Variants in SAFB observed in about 807,000 individuals in gnomAD.
SAFB encodes the protein scaffold attachment factor B1.
SAFB carries 15 observed loss-of-function variants against 101.6 expected under a neutral mutation model. The ratio of observed to expected loss-of-function variants is 0.15; its 90% CI spans 0.10 to 0.23. The LOEUF (loss-of-function observed/expected upper bound fraction) is 0.23. Ranked by LOEUF, SAFB falls within the 10% of genes least tolerant of loss-of-function variation. The pLI is 1.00. For missense variants in SAFB, 930 were observed against 1,104.1 expected (o/e 0.84, Z 2.23); for synonymous variants, 449 against 407.5 (o/e 1.10, Z -1.23).
At chr19:5,661,882 G>T in intron 15 of SAFB, 74 bp downstream of exon 15, 4 of 1,023,216 alleles carry the variant, frequency 3.9e-6, no homozygotes, top group Non-Finnish European at 4.1e-6. Flanking sequence ...CAGTTAGCTT[G>T]AGATTTTTTT....
intron 14 of SAFB, 34 bp from the exon 15 acceptor site, chr19:5,661,484 C>G: frequency 6.2e-7 from 1 of 1,607,094 alleles, no homozygotes. Context: ...CTGGGGGTGT[C>G]TAGGTCCCCT....
intron 13 of SAFB, among the ~76,000 whole-genome samples, chr19:5,655,805 A>G (rs544952653): frequency 3.9e-5 from 6 of 152,336 alleles, no homozygotes; most frequent in Non-Finnish European, 7.3e-5. Context: ...TGTGGGTTCT[A>G]GGGATAAAAT....
intron 2 of SAFB, among the ~76,000 whole-genome samples, chr19:5,638,957 C>T (rs1187201963): frequency 1.3e-5 from 2 of 151,756 alleles, no homozygotes; most frequent in Non-Finnish European, 2.9e-5. Context: ...CTTCTCTTGA[C>T]CTCAGATGAT....
rs541442573 is a variant in SAFB, at chr19:5,651,961, C to T, written c.1293+889C>T. On this transcript the variant is annotated intron_variant, in intron 9 of 20. Coordinates refer to ENST00000588852, the MANE Select transcript of SAFB (RefSeq NM_001201338.2). Reference sequence around the variant, plus strand: ...CTGTAATTCCAGCACTTTGGGAGGCCGAGGTGGGTGGATCACGAGGTCAGG... The same window carrying T: ...CTGTAATTCCAGCACTTTGGGAGGCTGAGGTGGGTGGATCACGAGGTCAGG... Among the ~76,000 whole-genome samples the T allele has an allele frequency of 3.3e-5, 5 of 152,208 alleles. No homozygotes were observed. In the East Asian group the frequency reaches 5.8e-4, roughly 18 times the overall value.
intron 9 of SAFB, among the ~76,000 whole-genome samples, chr19:5,651,781 T>A (rs1025378409): frequency 4.6e-5 from 7 of 152,052 alleles, no homozygotes; most frequent in Admixed American, 4.6e-4. Context: ...TCTCTCAGAG[T>A]CGGTTTCGGG....
Position 5,667,710 on chromosome 19 carries a change from A to C in SAFB, c.2558-110A>C. The C allele has an allele frequency of 2.9e-6, 3 of 1,018,596 alleles. No individual in the cohort carries two copies. Among genetic ancestry groups the C allele is most frequent in the South Asian group, 1.4e-5 (1 of 72,732 alleles). 63.1% of individuals were successfully genotyped at this position (1,018,596 alleles called of 1,614,324 possible). A position where few individuals can be genotyped will look rare whatever the true frequency, so the allele number is the denominator to read the frequency against. The stretch of plus-strand genomic sequence containing the variant: ...CCCAGGTGTCTTCCTGGGACCCGCT[A>C]GTTGTGGGTACCTGGGGGCCTCACC... On this transcript the variant is annotated intron_variant, in intron 19 of 20. Transcript: ENST00000588852. The surrounding 1 kb of genome is among the most constrained non-coding windows in gnomAD (Gnocchi z 4.0).
intron 8 of SAFB, 82 bp from the exon 9 acceptor site, chr19:5,650,896 A>G (rs1312373516): frequency 2.2e-6 from 2 of 903,172 alleles, no homozygotes; most frequent in Non-Finnish European, 3.5e-6. Flanking sequence ...AATGGGAACC[A>G]TGTCTCTTTT....
chr19:5,662,007 C>T (rs535959940), intron 15 of SAFB, among the ~76,000 whole-genome samples, 199 bp downstream of exon 15: 38 of 152,162 alleles, frequency 2.5e-4, no homozygotes, highest in Admixed American at 2.0e-3. Context: ...GCCTCAGCCT[C>T]CCGAGTAGCT....
chr19:5,658,760 G>T (rs541545924), intron 14 of SAFB, among the ~76,000 whole-genome samples: 2 of 150,418 alleles, frequency 1.3e-5, no homozygotes, highest in Non-Finnish European at 3.0e-5. Flanking sequence ...GGAGAATGGC[G>T]TGAACCCGGG....
rs1375363973 is a variant in SAFB, at chr19:5,667,863, G to C, written c.2601G>C (p.Met867Ile). The C allele has an allele frequency of 2.5e-6, 4 of 1,610,680 alleles. No individual in the cohort carries two copies. The highest frequency in any genetic ancestry group is 1.7e-4 in the Middle Eastern group (1 of 6,036). The change falls in exon 20 of 21, where the codon ATG (methionine) becomes ATC (isoleucine). Residue 867 changes from methionine to isoleucine, a missense_variant. Physicochemically the swap from Met to Ile is conservative, Grantham distance 10. Transcript: ENST00000588852. This position sits in a 1 kb window ranked among gnomAD's most constrained non-coding sequence, Gnocchi z 4.0. ...CCGGTCACTCCGGGCCTGGCCACAT[G>C]ATGAACCGAGGAGGAATGTCAGGGT... ...SMSGHSGPGH[M>I]MNRGGMSGRG...
Position 5,667,912 on chromosome 19 carries a change from C to A in SAFB, c.2624+26C>A. 6.4e-7 allele frequency: 1 copy of A among 1,574,560 alleles called. No individual in the cohort carries two copies. Among genetic ancestry groups the A allele is most frequent in the South Asian group, 1.2e-5 (1 of 84,680 alleles). ...GTAAGGCATGCTGGGGGCGGCGCCC[C>A]TTCCCCCTGCTTTGCATATTGGCCT... On this transcript the variant is annotated intron_variant, in intron 20 of 20. Transcript: ENST00000588852. The surrounding 1 kb of genome is among the most constrained non-coding windows in gnomAD (Gnocchi z 4.0).
At chr19:5,654,224 G>A in intron 12 of SAFB, 24 bp downstream of exon 12, 1 of 1,613,536 alleles carries the variant, frequency 6.2e-7, no homozygotes, top group Non-Finnish European at 8.5e-7. Context: ...GAGCCCAGGA[G>A]ATTCTGTCTT....
At chr19:5,635,522 A>G (rs1025747369) in intron 2 of SAFB, among the ~76,000 whole-genome samples, 1 of 152,140 alleles carries the variant, frequency 6.6e-6, no homozygotes. Context: ...TATACTTCCT[A>G]TACTTAGGAG....
At chr19:5,634,069 A>G (rs918701766) in intron 2 of SAFB, among the ~76,000 whole-genome samples, 1 of 152,154 alleles carries the variant, frequency 6.6e-6, no homozygotes, top group Admixed American at 6.5e-5. Flanking sequence ...AGAATTAAGC[A>G]TGTTGCCAGA....
chr19:5,639,577 C>A (rs1281634079), intron 2 of SAFB, among the ~76,000 whole-genome samples: 1 of 151,494 alleles, frequency 6.6e-6, no homozygotes, highest in Non-Finnish European at 1.5e-5. Flanking sequence ...CCTGTAATCC[C>A]AGCTACTCAG....
rs948396169 is a variant in SAFB, at chr19:5,641,202, C to G, written c.275-392C>G. Among the ~76,000 whole-genome samples, 5 of 152,142 alleles carry G rather than the reference C, an allele frequency of 3.3e-5. No individual in the cohort carries two copies. In the South Asian group the frequency reaches 1.0e-3, roughly 31 times the overall value. ...TTTCTTTTTAAGCATTAAAAATGTG[C>G]ATACTCGGGCATGCGCAGTTTCTGT... On this transcript the variant is annotated intron_variant, in intron 2 of 20. Coordinates refer to ENST00000588852, the MANE Select transcript of SAFB (RefSeq NM_001201338.2).
rs2054015321 is a variant in SAFB, at chr19:5,654,692, T to C, written c.1755+236T>C. Among the ~76,000 whole-genome samples, 20 of 152,294 alleles carry C rather than the reference T, an allele frequency of 1.3e-4. 1 individual carries two copies. The South Asian group carries it at 4.1e-3, about 32-fold the overall frequency. On this transcript the variant is annotated intron_variant, in intron 13 of 20. Coordinates refer to ENST00000588852, the MANE Select transcript of SAFB (RefSeq NM_001201338.2). ...TCCGCCTCCCAGGCTCAAGCGATTC[T>C]CCTGCCTCAGCCTCCCGAGTAGCTG...
In SAFB at chr19:5,667,915, C is replaced by A; in HGVS notation, c.2624+29C>A. 6.4e-7 allele frequency: 1 copy of A among 1,571,984 alleles called. No individual in the cohort carries two copies. Among genetic ancestry groups the A allele is most frequent in the South Asian group, 1.2e-5 (1 of 84,544 alleles). On this transcript the variant is annotated intron_variant, in intron 20 of 20. Transcript: ENST00000588852. This position sits in a 1 kb window ranked among gnomAD's most constrained non-coding sequence, Gnocchi z 4.0. ...AGGCATGCTGGGGGCGGCGCCCCTTCCCCCTGCTTTGCATATTGGCCTACC... is the reference window on the plus strand; with the variant it reads ...AGGCATGCTGGGGGCGGCGCCCCTTACCCCTGCTTTGCATATTGGCCTACC...
At chr19:5,625,027 C>T (rs1350351766) in intron 1 of SAFB, among the ~76,000 whole-genome samples, 1 of 152,158 alleles carries the variant, frequency 6.6e-6, no homozygotes, top group African/African-American at 2.4e-5. Flanking sequence ...CTGAGACTTC[C>T]CATCACTCGC....
Sources: allele counts gnomAD v4.1 joint callset (sites outside exome capture counted in the v4.1 genomes callset), GRCh38; gene constraint gnomAD v4.1.1; non-coding constraint Gnocchi (gnomAD v3.1); transcripts MANE v1.5; gene names NCBI Gene and HGNC (gene_info 2026-07-23, HGNC 2026-07-21).